Variants in ANKRD28 observed in about 807,000 individuals in gnomAD.
The protein encoded by ANKRD28 is serine/threonine-protein phosphatase 6 regulatory ankyrin repeat subunit A.
In ANKRD28, 44 loss-of-function variants were observed where a neutral mutation model predicts 126.5. The ratio of observed to expected loss-of-function variants is 0.35; its 90% CI spans 0.27 to 0.45. The LOEUF is 0.45. Among genes scored for constraint, ANKRD28 ranks in the 20% least tolerant of loss-of-function variants. The pLI, the probability that ANKRD28 is intolerant of heterozygous loss-of-function variation, is 1.00. For synonymous variants in ANKRD28, 442 were observed against 468.5 expected (o/e 0.94, Z 0.73); for missense variants, 1,110 against 1,316.6 (o/e 0.84, Z 2.43).
chr3:15,831,223 C>T (rs11923217), intron 1 of ANKRD28, among the ~76,000 whole-genome samples: 101,634 of 152,016 alleles, frequency 0.67, 34,518 homozygotes, highest in East Asian at 0.9. Flanking sequence ...ACTAAACAAG[C>T]TGGTCAAGAT....
At chr3:15,758,651 C>T (rs2058295610) in intron 3 of ANKRD28, among the ~76,000 whole-genome samples, 2 of 152,160 alleles carry the variant, frequency 1.3e-5, no homozygotes, top group Admixed American at 1.3e-4. Context: ...TGAACAGATC[C>T]TTCCCTCTCA....
intron 16 of ANKRD28, among the ~76,000 whole-genome samples, 175 bp from the exon 17 acceptor site, chr3:15,694,988 C>T (rs1462482399): frequency 6.6e-6 from 1 of 152,130 alleles, no homozygotes; most frequent in East Asian, 1.9e-4. Flanking sequence ...TGAAGACAGG[C>T]ATAAGAGTTT....
chr3:15,793,898 T>C (rs774669058), intron 2 of ANKRD28, among the ~76,000 whole-genome samples: 6 of 152,120 alleles, frequency 3.9e-5, no homozygotes, highest in African/African-American at 9.7e-5. Context: ...AATGAAACCC[T>C]GTCTCTACTA....
chr3:15,827,070 T>G (rs571547103), intron 1 of ANKRD28, among the ~76,000 whole-genome samples: 33 of 152,118 alleles, frequency 2.2e-4, no homozygotes, highest in Non-Finnish European at 4.7e-4. Flanking sequence ...TGAGATATCA[T>G]CTCACACCTG....
At chr3:15,848,482 C>CAAGGATCACT (rs1330185127) in intron 1 of ANKRD28, among the ~76,000 whole-genome samples, 2 of 152,008 alleles carry the variant, frequency 1.3e-5, no homozygotes, top group Non-Finnish European at 2.9e-5. Flanking sequence ...GAAGACCAGC[C>CAAGGATCACT]TGGGCAACAG....
chr3:15,685,409 G>A lies in ANKRD28; in HGVS notation c.2206C>T (p.Leu736Phe), dbSNP rs1222984961. 6.2e-7 allele frequency: 1 copy of A among 1,613,618 alleles called. No individual in the cohort carries two copies. Among genetic ancestry groups the A allele is most frequent in the Non-Finnish European group, 8.5e-7 (1 of 1,179,768 alleles). Residue 736 changes from leucine to phenylalanine, a missense_variant, in exon 21 of 28, where the codon CTT becomes TTT. Physicochemically the swap from Leu to Phe is conservative, Grantham distance 22 (BLOSUM62 0). Coordinates refer to ENST00000683139, the MANE Select transcript of ANKRD28 (RefSeq NM_001349278.2). ...AGTAAGCACTTAGCACCATGTTGAA[G>A]TAATGCATCTACACATTCTTCATGG... ...TGHEECVDAL[L>F]QHGAKCLLRD...
At chr3:15,671,535 GT>G (rs2066350972) in intron 27 of ANKRD28, among the ~76,000 whole-genome samples, 1 of 151,418 alleles carries the variant, frequency 6.6e-6, no homozygotes, top group African/African-American at 2.4e-5. Context: ...GACTTATGGG[GT>G]AGTAATTTCC....
In ANKRD28 at chr3:15,669,456, C is replaced by A. The variant is rs1040009644; in HGVS notation, c.*814G>T. 3 of 152,084 alleles carry A rather than the reference C, an allele frequency of 2.0e-5. No individual in the cohort carries two copies. Among genetic ancestry groups the A allele is most frequent in the African/African-American group, 7.2e-5 (3 of 41,422 alleles). The allele number at this position is 152,084 out of a possible 1,614,324, so 9.4% of individuals were successfully genotyped here. ...CAAACAAAAATAGTACTATTTTAAA[C>A]CCAAACCATTCAAAACAGGGCAACA... On this transcript the variant is annotated 3_prime_UTR_variant, in exon 28 of 28. Transcript: ENST00000683139.
chr3:15,778,513 G>C (rs908862911), intron 2 of ANKRD28, among the ~76,000 whole-genome samples: 2 of 152,176 alleles, frequency 1.3e-5, no homozygotes, highest in African/African-American at 4.8e-5. Flanking sequence ...TTGTCAGCCA[G>C]AGGTCACCCT....
chr3:15,852,438 T>A (rs528182274), intron 1 of ANKRD28, among the ~76,000 whole-genome samples: 3 of 152,238 alleles, frequency 2.0e-5, no homozygotes, highest in Non-Finnish European at 2.9e-5. Context: ...TTGTGCTAGA[T>A]GTTTTAATAT....
chr3:15,761,029 A>C (rs2058430647), intron 3 of ANKRD28, among the ~76,000 whole-genome samples: 1 of 152,188 alleles, frequency 6.6e-6, no homozygotes, highest in South Asian at 2.1e-4. Context: ...AATGACTCTA[A>C]AATAATCTCA....
Position 15,838,609 on chromosome 3 carries a change from A to G in ANKRD28, c.27+20768T>C, listed in dbSNP as rs1335101999. On this transcript the variant is annotated intron_variant, in intron 1 of 27. Transcript: ENST00000399451. The surrounding 1 kb of genome is among the most constrained non-coding windows in gnomAD (Gnocchi z 4.0). ...AAAAATACAAAAAACTTAGTCGGGCATGGTGGCACATGCCTGTAATCCCAG... is the reference window on the plus strand; with the variant it reads ...AAAAATACAAAAAACTTAGTCGGGCGTGGTGGCACATGCCTGTAATCCCAG... Among the ~76,000 whole-genome samples, 4 of 152,112 alleles carry G rather than the reference A, an allele frequency of 2.6e-5. No individual in the cohort carries two copies. In the East Asian group the frequency reaches 7.7e-4, roughly 29 times the overall value.
At chr3:15,728,180 T>A (rs1459583513) in intron 6 of ANKRD28, among the ~76,000 whole-genome samples, 1 of 152,206 alleles carries the variant, frequency 6.6e-6, no homozygotes, top group African/African-American at 2.4e-5. Flanking sequence ...ACATATTTTT[T>A]AATTAAGAAC....
At chr3:15,712,818 T>A (rs1290423786) in intron 10 of ANKRD28, among the ~76,000 whole-genome samples, 1 of 152,200 alleles carries the variant, frequency 6.6e-6, no homozygotes, top group East Asian at 1.9e-4. Flanking sequence ...AGGCCTAAAT[T>A]TCTATCTAGA....
intron 1 of ANKRD28, among the ~76,000 whole-genome samples, chr3:15,848,206 G>A (rs1247277568): frequency 2.6e-5 from 4 of 152,144 alleles, no homozygotes; most frequent in Non-Finnish European, 4.4e-5. Context: ...CTCAAAACCA[G>A]AACCACAAAT....
At chr3:15,847,610 G>GTCAAATCCC (rs2061555967) in intron 1 of ANKRD28, among the ~76,000 whole-genome samples, 1 of 152,118 alleles carries the variant, frequency 6.6e-6, no homozygotes, top group Non-Finnish European at 1.5e-5. Context: ...AGGCCCTCTA[G>GTCAAATCCC]TCAAATCCCC....
rs2071711671 is a variant in ANKRD28 at position 15,708,116 on chromosome 3, T to C, written c.1407-52A>G. 1.9e-6 allele frequency: 3 copies of C among 1,545,364 alleles called. No homozygotes were observed. In the South Asian group the frequency reaches 3.6e-5, roughly 18 times the overall value. ...AGATAAAAGCCAGAGACATAACTAG[T>C]AAACAAAAGCATAGTTGACTCTTAC... is the stretch of plus-strand genomic sequence containing the variant. On this transcript the variant is annotated intron_variant, in intron 13 of 27. Transcript: ENST00000683139.
chr3:15,699,990 G>A, intron 14 of ANKRD28, among the ~76,000 whole-genome samples: 1 of 152,186 alleles, frequency 6.6e-6, no homozygotes, highest in East Asian at 1.9e-4. Flanking sequence ...CAACCCAAAT[G>A]TCCATCAATG....
intron 10 of ANKRD28, 103 bp from the exon 11 acceptor site, chr3:15,712,325 G>T: frequency 1.1e-6 from 1 of 903,502 alleles, no homozygotes; most frequent in South Asian, 1.6e-5. Context: ...ATAACTAAGA[G>T]CCAAAATGTC....
Sources: allele counts gnomAD v4.1 joint callset (sites outside exome capture counted in the v4.1 genomes callset), GRCh38; gene constraint gnomAD v4.1.1; non-coding constraint Gnocchi (gnomAD v3.1); transcripts MANE v1.5; gene names NCBI Gene and HGNC (gene_info 2026-07-23, HGNC 2026-07-21).